KATNIP: variants seen among roughly 807,000 people sequenced by gnomAD.
KATNIP encodes katanin-interacting protein.
In KATNIP, 126 loss-of-function variants were observed where a neutral mutation model predicts 174.0. That is an observed-to-expected ratio of 0.72 (90% CI 0.63 to 0.84). KATNIP has a LOEUF of 0.84. Among genes scored for constraint, KATNIP ranks in the 40% least tolerant of loss-of-function variants. KATNIP has a pLI of 0.00. For missense variants in KATNIP, 1,958 were observed against 2,109.7 expected (o/e 0.93, Z 1.41); for synonymous variants, 810 against 835.7 (o/e 0.97, Z 0.53).
intron 3 of KATNIP, among the ~76,000 whole-genome samples, chr16:27,628,181 C>T (rs912711373): frequency 2.6e-5 from 4 of 152,224 alleles, no homozygotes; most frequent in Non-Finnish European, 4.4e-5. Flanking sequence ...CTGACGAAAG[C>T]TGTTTTCTGA....
chr16:27,736,024 C>T lies in KATNIP; in HGVS notation c.1744-4017C>T, dbSNP rs191405394. On this transcript the variant is annotated intron_variant, in intron 14 of 27. Transcript: ENST00000261588. ...AGTAATTTATTTATTTATTTTGAGA[C>T]GGAGCTTCACTGTCGTCACCCAGGC... Among the ~76,000 whole-genome samples the T allele has an allele frequency of 5.4e-4, 82 of 152,230 alleles. 1 individual carries two copies. The highest frequency in any genetic ancestry group is 1.9e-3 in the African/African-American group (79 of 41,544).
intron 2 of KATNIP, among the ~76,000 whole-genome samples, chr16:27,604,776 A>G (rs1364597697): frequency 6.6e-6 from 1 of 152,092 alleles, no homozygotes; most frequent in Non-Finnish European, 1.5e-5. Flanking sequence ...TGTTTTGCCT[A>G]CCTCTGCCAC....
intron 19 of KATNIP, among the ~76,000 whole-genome samples, chr16:27,763,937 A>T (rs1340814952): frequency 6.6e-6 from 1 of 152,140 alleles, no homozygotes; most frequent in African/African-American, 2.4e-5. Flanking sequence ...TACATTGTTA[A>T]TTAGATCTAG....
intron 23 of KATNIP, 64 bp downstream of exon 23, chr16:27,773,273 C>A: frequency 1.8e-6 from 2 of 1,141,074 alleles, no homozygotes; most frequent in Non-Finnish European, 2.6e-6. Context: ...GGGTCGGGAA[C>A]GGGGCAGAAG....
chr16:27,745,124 A>G (rs1250205457), intron 15 of KATNIP, among the ~76,000 whole-genome samples: 1 of 152,188 alleles, frequency 6.6e-6, no homozygotes, highest in Non-Finnish European at 1.5e-5. Flanking sequence ...TATTTTCATC[A>G]GGGGTCAGTT....
At chr16:27,579,193 C>T (rs1351980212) in intron 2 of KATNIP, among the ~76,000 whole-genome samples, 3 of 152,200 alleles carry the variant, frequency 2.0e-5, no homozygotes, top group Admixed American at 1.3e-4. Context: ...CACTGGTGCC[C>T]AGGGCACTGT....
chr16:27,675,121 G>A (rs1012174491), intron 6 of KATNIP, among the ~76,000 whole-genome samples: 2 of 152,156 alleles, frequency 1.3e-5, no homozygotes, highest in Non-Finnish European at 2.9e-5. Context: ...CCTGAGACTG[G>A]GTAATTTATG....
In KATNIP at chr16:27,745,957, CTTTTTTTT is replaced by C. The variant is rs759181249; in HGVS notation, c.2624-3609_2624-3602del. Reference sequence around the variant, plus strand: ...CTAAGAGCAAGGCTCAACTCCTCTGCTTTTTTTTTTTTTTTTTTTTTTTTTGAGATGGA... The same window carrying C: ...CTAAGAGCAAGGCTCAACTCCTCTGCTTTTTTTTTTTTTTTTTGAGATGGA... On this transcript the variant is annotated intron_variant, in intron 15 of 27. Coordinates refer to ENST00000261588, the MANE Select transcript of KATNIP (RefSeq NM_015202.5). 3.3e-5 allele frequency among the ~76,000 whole-genome samples: 3 copies of C among 92,082 alleles called. No homozygotes were observed. The Admixed American group carries it at 4.1e-4, about 12-fold the overall frequency. The allele number at this position is 92,082 out of a possible 152,430, so 60.4% of individuals were successfully genotyped here.
chr16:27,579,671 C>A (rs2090622083), intron 2 of KATNIP, among the ~76,000 whole-genome samples: 1 of 152,064 alleles, frequency 6.6e-6, no homozygotes, highest in South Asian at 2.1e-4. Flanking sequence ...GCCCCAGGGC[C>A]CTCATTCTTA....
intron 14 of KATNIP, among the ~76,000 whole-genome samples, chr16:27,735,388 G>A (rs983909505): frequency 2.0e-5 from 3 of 152,174 alleles, no homozygotes; most frequent in Non-Finnish European, 4.4e-5. Context: ...GACTGTGCTG[G>A]ACTAGATGGT....
At chr16:27,633,466 T>G (rs184054152) in intron 5 of KATNIP, among the ~76,000 whole-genome samples, 1 of 149,858 alleles carries the variant, frequency 6.7e-6, no homozygotes, top group Admixed American at 6.6e-5. Flanking sequence ...TATTTTTTAT[T>G]TTTTTTTTAC....
chr16:27,712,355 C>T (rs1227567246), intron 13 of KATNIP, among the ~76,000 whole-genome samples: 1 of 152,138 alleles, frequency 6.6e-6, no homozygotes, highest in Non-Finnish European at 1.5e-5. Flanking sequence ...CTCTCAGAAC[C>T]ATCTAATTGC....
Position 27,662,026 on chromosome 16 carries a change from A to G in KATNIP, c.540+13291A>G, listed in dbSNP as rs1168927762. Among the ~76,000 whole-genome samples, 47 of 21,710 alleles carry G rather than the reference A, an allele frequency of 2.2e-3. 10 individuals are homozygous for G. The highest frequency in any genetic ancestry group is 4.1e-3 in the Non-Finnish European group (42 of 10,122). The allele number at this position is 21,710 out of a possible 152,430, so 14.2% of individuals were successfully genotyped here. A position where few individuals can be genotyped will look rare whatever the true frequency, so the allele number is the denominator to read the frequency against. On this transcript the variant is annotated intron_variant, in intron 6 of 27. Transcript: ENST00000261588. The stretch of plus-strand genomic sequence containing the variant: ...TATATATATATATATACACATACAT[A>G]TATATATATATATATACACATACAT...
In KATNIP at chr16:27,761,429, C is replaced by T. The variant is rs140627836; in HGVS notation, c.3648C>T (p.Phe1216=). 6 of 1,608,886 alleles carry T rather than the reference C, an allele frequency of 3.7e-6. No individual in the cohort carries two copies. The highest frequency in any genetic ancestry group is 1.3e-5 in the African/African-American group (1 of 74,782). The change falls in exon 19 of 28, where the codon TTC becomes TTT. Residue 1216 remains phenylalanine (F), a synonymous_variant. Coordinates refer to ENST00000261588, the MANE Select transcript of KATNIP (RefSeq NM_015202.5). ...IYHGICLQLN[F]TASWGDLHYL... The stretch of plus-strand genomic sequence containing the variant: ...CTGTTGCAGGCCTTCAGCTGAATTT[C>T]ACTGCCTCCTGGGGAGACTTGCACT...
intron 18 of KATNIP, among the ~76,000 whole-genome samples, chr16:27,759,296 C>T (rs1442093494): frequency 1.3e-5 from 2 of 152,026 alleles, no homozygotes; most frequent in South Asian, 2.1e-4. Context: ...AACAACAAGG[C>T]GAGCAGGGTA....
intron 6 of KATNIP, among the ~76,000 whole-genome samples, chr16:27,674,181 A>C (rs570256969): frequency 1.6e-4 from 25 of 152,332 alleles, no homozygotes; most frequent in African/African-American, 5.3e-4. Context: ...GTATCAAGGG[A>C]TGAAAGGGGG....
At chr16:27,757,591 C>G in intron 18 of KATNIP, 4 of 881,356 alleles carry the variant, frequency 4.5e-6, no homozygotes, top group Non-Finnish European at 5.4e-6. Context: ...GAGTAGAGCT[C>G]AAAGACCTTT....
chr16:27,681,220 A>C (rs2078326129), intron 7 of KATNIP, 179 bp from the exon 8 acceptor site: 1 of 720,878 alleles, frequency 1.4e-6, no homozygotes, highest in East Asian at 2.6e-5. Flanking sequence ...GCACACCATG[A>C]CTCTCAGCAA....
At chr16:27,762,738 C>T (rs2081995131) in intron 19 of KATNIP, among the ~76,000 whole-genome samples, 1 of 152,174 alleles carries the variant, frequency 6.6e-6, no homozygotes, top group African/African-American at 2.4e-5. Context: ...TCACCCCCTG[C>T]TATCATTAAC....
Sources: gnomAD v4.1 joint callset for allele counts (sites outside exome capture counted in the v4.1 genomes callset) on GRCh38, gnomAD v4.1.1 for gene constraint, MANE v1.5 for transcripts, NCBI Gene and HGNC (gene_info 2026-07-23, HGNC 2026-07-21) for gene names.